KCNIP4: variants seen among roughly 807,000 people sequenced by gnomAD.
KCNIP4 encodes potassium voltage-gated channel interacting protein 4.
In KCNIP4, 12 loss-of-function variants were observed where a neutral mutation model predicts 34.0. That is an observed-to-expected ratio of 0.35 (90% CI 0.23 to 0.57). The LOEUF is 0.57. KCNIP4 is among the 20% of genes least tolerant of loss of function. The pLI is 0.83. For missense variants in KCNIP4, 238 were observed against 311.7 expected (o/e 0.76, Z 1.78); for synonymous variants, 124 against 102.2 (o/e 1.21, Z -1.29).
At chr4:20,757,039 T>G (rs1242104879) in intron 4 of KCNIP4, among the ~76,000 whole-genome samples, 1 of 152,098 alleles carries the variant, frequency 6.6e-6, no homozygotes, top group Non-Finnish European at 1.5e-5. Context: ...TCTTGTTGAG[T>G]CTAAATCCCC....
chr4:21,798,526 AAAAAAAG>A (rs1278039164), intron 1 of KCNIP4, among the ~76,000 whole-genome samples: 2 of 104,830 alleles, frequency 1.9e-5, no homozygotes, highest in African/African-American at 6.8e-5. Flanking sequence ...AAAAAAAAAA[AAAAAAAG>A]GAAAGAGAGA....
chr4:20,729,263 T>G lies in KCNIP4; in HGVS notation c.*819A>C, dbSNP rs1747101740. 1 of 152,066 alleles carries G rather than the reference T, an allele frequency of 6.6e-6. No individual in the cohort carries two copies. The highest frequency in any genetic ancestry group is 6.6e-5 in the Admixed American group (1 of 15,172). 9.4% of individuals were successfully genotyped at this position (152,066 alleles called of 1,614,324 possible). On this transcript the variant is annotated 3_prime_UTR_variant, in exon 9 of 9. Coordinates refer to ENST00000382152, the MANE Select transcript of KCNIP4 (RefSeq NM_025221.6). Reference sequence around the variant, plus strand: ...GATAGATATCCTGACCCTTTGCATATGTCTGTAAACATCCTTGTTTTGTTT... The same window carrying G: ...GATAGATATCCTGACCCTTTGCATAGGTCTGTAAACATCCTTGTTTTGTTT...
At chr4:20,916,985 T>TTATA (rs1157104290) in intron 1 of KCNIP4, among the ~76,000 whole-genome samples, 5 of 41,360 alleles carry the variant, frequency 1.2e-4, no homozygotes, top group Non-Finnish European at 1.7e-4. Context: ...CATCTTATGT[T>TTATA]TATATATATA....
At chr4:21,820,421 T>C (rs1408755315) in intron 1 of KCNIP4, among the ~76,000 whole-genome samples, 1 of 151,328 alleles carries the variant, frequency 6.6e-6, no homozygotes, top group Non-Finnish European at 1.5e-5. Flanking sequence ...GGTTTATCCA[T>C]GGTCAGACAA....
rs553682451 is a variant in KCNIP4 at position 21,515,761 on chromosome 4, G to A, written c.61+432810C>T. ...AAAAGTGGGTTCCTTAGAAAAGGAG[G>A]AGTTTGGTCCTTCTTGCCTTCTCTC... On this transcript the variant is annotated intron_variant, in intron 1 of 8. Transcript: ENST00000382152. Among the ~76,000 whole-genome samples, 237 of 152,310 alleles carry A rather than the reference G, an allele frequency of 1.6e-3. 10 individuals are homozygous for A. The South Asian group carries it at 0.042, about 27-fold the overall frequency.
intron 1 of KCNIP4, among the ~76,000 whole-genome samples, chr4:21,192,771 A>C (rs927022262): frequency 2.0e-5 from 3 of 152,000 alleles, no homozygotes; most frequent in African/African-American, 7.3e-5. Context: ...AAAGAAAAAT[A>C]ATGGCAGGCC....
chr4:21,896,842 C>G (rs1459508207), intron 1 of KCNIP4, among the ~76,000 whole-genome samples: 3 of 151,750 alleles, frequency 2.0e-5, no homozygotes, highest in Non-Finnish European at 4.4e-5. Flanking sequence ...TTGCTTGAAC[C>G]CGGGAGATGG....
At chr4:20,905,372 A>T (rs1388278345) in intron 1 of KCNIP4, among the ~76,000 whole-genome samples, 2 of 152,206 alleles carry the variant, frequency 1.3e-5, no homozygotes, top group African/African-American at 2.4e-5. Context: ...AACTTTAATG[A>T]GTAAAATCAC....
intron 1 of KCNIP4, among the ~76,000 whole-genome samples, chr4:21,147,778 A>C (rs1215283707): frequency 6.6e-6 from 1 of 151,662 alleles, no homozygotes; most frequent in Non-Finnish European, 1.5e-5. Context: ...GTCTCTACTA[A>C]AAATACAAAA....
intron 1 of KCNIP4, among the ~76,000 whole-genome samples, chr4:21,212,037 G>T (rs1402194030): frequency 1.3e-5 from 2 of 152,168 alleles, no homozygotes; most frequent in Non-Finnish European, 2.9e-5. Context: ...CCTCTCAGAT[G>T]GCCCTGGCAG....
At chr4:21,645,590 G>T (rs1746952574) in intron 1 of KCNIP4, among the ~76,000 whole-genome samples, 2 of 152,084 alleles carry the variant, frequency 1.3e-5, no homozygotes, top group South Asian at 4.1e-4. Flanking sequence ...CACAGATTGG[G>T]ATCAATACCA....
At chr4:20,922,258 G>T (rs1353867710) in intron 1 of KCNIP4, among the ~76,000 whole-genome samples, 7 of 152,184 alleles carry the variant, frequency 4.6e-5, no homozygotes, top group Non-Finnish European at 1.5e-5. Flanking sequence ...TCTATCAGTA[G>T]ACTGAGTAAA....
Position 21,703,045 on chromosome 4 carries a change from T to C in KCNIP4, c.61+245526A>G, listed in dbSNP as rs529135237. On this transcript the variant is annotated intron_variant, in intron 1 of 8. Transcript: ENST00000382152. ...ATGCAAAAAAAAGCATATGACAAAATTCAACACTGATTCATGATTAAAAAA... is the reference window on the plus strand; with the variant it reads ...ATGCAAAAAAAAGCATATGACAAAACTCAACACTGATTCATGATTAAAAAA... Among the ~76,000 whole-genome samples the C allele has an allele frequency of 2.6e-5, 4 of 151,462 alleles. No homozygotes were observed. The South Asian group carries it at 8.3e-4, about 32-fold the overall frequency.
chr4:21,763,840 C>G (rs565686114), intron 1 of KCNIP4, among the ~76,000 whole-genome samples: 15 of 152,136 alleles, frequency 9.9e-5, no homozygotes, highest in African/African-American at 3.4e-4. Context: ...ACTGATTTAT[C>G]TGAAATTGTA....
intron 1 of KCNIP4, among the ~76,000 whole-genome samples, chr4:21,192,344 C>T (rs1424880489): frequency 1.3e-5 from 2 of 152,154 alleles, no homozygotes; most frequent in African/African-American, 4.8e-5. Context: ...GGTTTAGAAA[C>T]ATTCTAAGAT....
intron 1 of KCNIP4, among the ~76,000 whole-genome samples, chr4:21,275,029 C>A (rs1762359810): frequency 1.3e-5 from 2 of 152,132 alleles, no homozygotes; most frequent in Admixed American, 1.3e-4. Context: ...TCAAATATAG[C>A]TAATTCTGGG....
At chr4:21,077,816 A>G (rs2109013970) in intron 1 of KCNIP4, among the ~76,000 whole-genome samples, 1 of 152,080 alleles carries the variant, frequency 6.6e-6, no homozygotes, top group East Asian at 1.9e-4. Flanking sequence ...TTATTATAAA[A>G]CTCATCTTTT....
At chr4:21,414,185 TA>T (rs2109600193) in intron 1 of KCNIP4, among the ~76,000 whole-genome samples, 1 of 152,292 alleles carries the variant, frequency 6.6e-6, no homozygotes, top group South Asian at 2.1e-4. Flanking sequence ...GAGGTGGTTT[TA>T]TTGCAATTAT....
intron 1 of KCNIP4, among the ~76,000 whole-genome samples, chr4:20,981,903 A>G (rs1281243705): frequency 6.6e-6 from 1 of 152,236 alleles, no homozygotes; most frequent in African/African-American, 2.4e-5. Context: ...GGATAGGAAT[A>G]TGATTTAGAT....
Sources: gnomAD v4.1 joint callset for allele counts (sites outside exome capture counted in the v4.1 genomes callset) on GRCh38, gnomAD v4.1.1 for gene constraint, MANE v1.5 for transcripts, NCBI Gene and HGNC (gene_info 2026-07-23, HGNC 2026-07-21) for gene names.